The following P3H2 variants were observed in gnomAD, a reference collection of about 807,000 sequenced individuals.
P3H2 encodes prolyl 3-hydroxylase 2.
In P3H2, 80 loss-of-function variants were observed where a neutral mutation model predicts 87.0. The ratio of observed to expected loss-of-function variants is 0.92; its 90% CI spans 0.77 to 1.11. The LOEUF is 1.11. P3H2 is among the 50% of genes least tolerant of loss of function. The pLI is 0.00. For synonymous variants in P3H2, 367 were observed against 359.3 expected, an observed-to-expected ratio of 1.02 and a Z score of -0.24; for missense variants, 1,001 against 923.9, an observed-to-expected ratio of 1.08 and a Z score of -1.08.
intron 1 of P3H2, among the ~76,000 whole-genome samples, chr3:189,998,741 T>C (rs1724123824): frequency 6.6e-6 from 1 of 152,242 alleles, no homozygotes; most frequent in Non-Finnish European, 1.5e-5. Flanking sequence ...CATGTGAATA[T>C]GCTTCATGAA....
At chr3:190,012,190 G>T (rs1724611660) in intron 1 of P3H2, among the ~76,000 whole-genome samples, 1 of 142,972 alleles carries the variant, frequency 7.0e-6, no homozygotes, top group South Asian at 2.3e-4. Flanking sequence ...AAAGGTGTGT[G>T]CCTGTGTGTA....
chr3:189,987,647 C>T lies in P3H2; in HGVS notation c.978G>A (p.Leu326=). The change falls in exon 5 of 15, where the codon CTG becomes CTA. Residue 326 remains leucine, a synonymous_variant. Transcript: ENST00000319332. Reference sequence around the variant, plus strand: ...ATAGAAGATAGGCTTTGGCACACTCCAGGGCTTTCACATACTCACCAACTG... The same window carrying T: ...ATAGAAGATAGGCTTTGGCACACTCTAGGGCTTTCACATACTCACCAACTG... The part of the protein sequence containing the change: ...YYRVGEYVKA[L]ECAKAYLLCH... The T allele has an allele frequency of 1.9e-6, 3 of 1,614,136 alleles. No individual in the cohort carries two copies. Among genetic ancestry groups the T allele is most frequent in the Non-Finnish European group, 2.5e-6 (3 of 1,180,022 alleles).
intron 1 of P3H2, among the ~76,000 whole-genome samples, chr3:190,114,883 ATAATT>A (rs1351019331): frequency 6.6e-6 from 1 of 152,260 alleles, no homozygotes; most frequent in African/African-American, 2.4e-5. Context: ...ATAGGTAAAA[ATAATT>A]TAAATATGAA....
intron 1 of P3H2, among the ~76,000 whole-genome samples, chr3:190,053,447 G>A (rs1726045767): frequency 7.4e-6 from 1 of 135,456 alleles, no homozygotes; most frequent in Non-Finnish European, 1.6e-5. Context: ...TTTAAATAAA[G>A]TGGTTTTTTT....
chr3:190,069,703 G>A (rs1191628547), intron 1 of P3H2, among the ~76,000 whole-genome samples: 1 of 152,136 alleles, frequency 6.6e-6, no homozygotes, highest in Non-Finnish European at 1.5e-5. Flanking sequence ...ATCTAGCGAG[G>A]GTGGGAAGAA....
chr3:190,011,967 TTTC>T (rs1459495923), intron 1 of P3H2, among the ~76,000 whole-genome samples: 3 of 152,208 alleles, frequency 2.0e-5, no homozygotes, highest in Admixed American at 1.3e-4. Flanking sequence ...TTCTAATTTT[TTTC>T]TTGTTTTCTA....
chr3:189,974,780 G>A, intron 8 of P3H2, 95 bp from the exon 9 acceptor site: 1 of 1,392,810 alleles, frequency 7.2e-7, no homozygotes, highest in Non-Finnish European at 1.0e-6. Flanking sequence ...ATTCGAGTGA[G>A]TCCATTTCTT....
At chr3:189,979,981 TA>T (rs561240833) in intron 8 of P3H2, among the ~76,000 whole-genome samples, 25 of 147,562 alleles carry the variant, frequency 1.7e-4, no homozygotes, top group African/African-American at 5.7e-4. Context: ...AAAATAAAAA[TA>T]AAAAAAAAAT....
intron 1 of P3H2, among the ~76,000 whole-genome samples, chr3:190,024,099 G>A (rs892732871): frequency 1.3e-5 from 2 of 152,068 alleles, no homozygotes; most frequent in Non-Finnish European, 2.9e-5. Context: ...TTAATGCAGG[G>A]GCCCTGCTTG....
At chr3:190,099,723 C>T (rs1006291435) in intron 1 of P3H2, among the ~76,000 whole-genome samples, 14 of 152,088 alleles carry the variant, frequency 9.2e-5, no homozygotes, top group African/African-American at 3.1e-4. Flanking sequence ...ATGGTATTAA[C>T]AATATATATC....
chr3:190,114,419 C>G (rs931850911), intron 1 of P3H2, among the ~76,000 whole-genome samples: 11 of 151,920 alleles, frequency 7.2e-5, no homozygotes, highest in African/African-American at 2.7e-4. Context: ...ATCTCCTGAC[C>G]TCGTGATACG....
intron 1 of P3H2, among the ~76,000 whole-genome samples, chr3:190,041,209 C>G (rs1725621503): frequency 2.2e-5 from 3 of 137,062 alleles, no homozygotes; most frequent in Non-Finnish European, 4.6e-5. Context: ...GAGGTTAAGG[C>G]TGCAGTAAGC....
chr3:190,047,305 C>G (rs1725838699), intron 1 of P3H2, among the ~76,000 whole-genome samples: 1 of 152,082 alleles, frequency 6.6e-6, no homozygotes, highest in Non-Finnish European at 1.5e-5. Flanking sequence ...CTATGGAAAC[C>G]AATATGGAAA....
chr3:189,987,578 A>G lies in P3H2; in HGVS notation c.1047T>C (p.Tyr349=), dbSNP rs1394812563. 3.7e-6 allele frequency: 6 copies of G among 1,614,110 alleles called. No individual in the cohort carries two copies. The Admixed American group carries it at 5.0e-5, about 13-fold the overall frequency. The change falls in exon 5 of 15, where the codon TAT becomes TAC. Residue 349 remains tyrosine (Y), a synonymous_variant. Transcript: ENST00000319332. The part of the protein sequence containing the change: ...DEDVLDNVDY[Y]ESLLDDSIDP... ...CAATGCTATCATCCAGCAGACTCTC[A>G]TAGTAATCCACATTGTCTAGGACAT...
intron 14 of P3H2, among the ~76,000 whole-genome samples, chr3:189,960,681 G>C (rs941662989): frequency 6.6e-6 from 1 of 152,192 alleles, no homozygotes; most frequent in African/African-American, 2.4e-5. Flanking sequence ...TTGACTTCAA[G>C]CTCCTTGAAA....
At chr3:190,106,058 T>G (rs1351605185) in intron 1 of P3H2, among the ~76,000 whole-genome samples, 1 of 152,126 alleles carries the variant, frequency 6.6e-6, no homozygotes, top group East Asian at 1.9e-4. Flanking sequence ...GGAAGGAGGC[T>G]TAAAGAGGTT....
At chr3:190,089,353 C>A (rs6444419) in intron 1 of P3H2, among the ~76,000 whole-genome samples, 1 of 151,986 alleles carries the variant, frequency 6.6e-6, no homozygotes, top group Non-Finnish European at 1.5e-5. Context: ...ATGTACGCTA[C>A]AACTTAAAGT....
At chr3:190,033,951 T>G (rs1725334636) in intron 1 of P3H2, among the ~76,000 whole-genome samples, 1 of 152,234 alleles carries the variant, frequency 6.6e-6, no homozygotes, top group African/African-American at 2.4e-5. Context: ...AGTGGTTTTC[T>G]TGGCAACCAG....
At chr3:190,113,315 T>G (rs1384466200) in intron 1 of P3H2, among the ~76,000 whole-genome samples, 2 of 150,012 alleles carry the variant, frequency 1.3e-5, no homozygotes, top group Admixed American at 1.3e-4. Context: ...GATTTTTTCA[T>G]GATCTTTGAG....
Sources: gnomAD v4.1 joint callset for allele counts (sites outside exome capture counted in the v4.1 genomes callset) on GRCh38, gnomAD v4.1.1 for gene constraint, MANE v1.5 for transcripts, NCBI Gene and HGNC (gene_info 2026-07-23, HGNC 2026-07-21) for gene names.